The following RSBN1L variants were observed in gnomAD, a reference collection of about 807,000 sequenced individuals.
RSBN1L encodes the protein round spermatid basic protein 1 like, also known as lysine-specific demethylase RSBN1L.
In RSBN1L, 30 loss-of-function variants were observed where a neutral mutation model predicts 67.7. The observed-to-expected ratio is 0.44, with a 90% CI of 0.33 to 0.60. The LOEUF (loss-of-function observed/expected upper bound fraction) is 0.60, where lower values mean the gene tolerates loss of function less well. Among genes scored for constraint, RSBN1L ranks in the 20% least tolerant of loss-of-function variants. The probability of loss-of-function intolerance (pLI) is 0.02; values close to 1 mark genes in which losing one functional copy is unlikely to be tolerated. For synonymous variants in RSBN1L, 433 were observed against 387.0 expected (o/e 1.12, Z -1.39); for missense variants, 992 against 1,031.7 (o/e 0.96, Z 0.53).
chr7:77,753,881 A>G (rs1791584967), intron 3 of RSBN1L, among the ~76,000 whole-genome samples: 1 of 152,188 alleles, frequency 6.6e-6, no homozygotes, highest in South Asian at 2.1e-4. Flanking sequence ...AAATATATCC[A>G]AAAGACCCAG....
At chr7:77,729,517 T>C (rs1468077936) in intron 1 of RSBN1L, among the ~76,000 whole-genome samples, 1 of 152,226 alleles carries the variant, frequency 6.6e-6, no homozygotes, top group East Asian at 1.9e-4. Context: ...AGTGCAGTAT[T>C]CATCTTTATT....
At chr7:77,727,857 C>T (rs898849672) in intron 1 of RSBN1L, among the ~76,000 whole-genome samples, 1 of 152,148 alleles carries the variant, frequency 6.6e-6, no homozygotes. Flanking sequence ...AATGACTCTG[C>T]AAATGCTGTT....
At chr7:77,746,942 G>GC (rs1475147019) in intron 2 of RSBN1L, among the ~76,000 whole-genome samples, 9 of 152,214 alleles carry the variant, frequency 5.9e-5, no homozygotes, top group African/African-American at 2.2e-4. Context: ...GCCTTGGGTA[G>GC]CCCCACCCCT....
rs1019848218 is a variant in RSBN1L at position 77,723,952 on chromosome 7, T to C, written c.587-12458T>C. ...TCTGTCTCAAAAAAAAAATTTTTTTTTTTTTAATAGGGACAGGATCTCTCT... is the reference window on the plus strand; with the variant it reads ...TCTGTCTCAAAAAAAAAATTTTTTTCTTTTTAATAGGGACAGGATCTCTCT... On this transcript the variant is annotated intron_variant, in intron 1 of 7. Coordinates refer to ENST00000334955, the MANE Select transcript of RSBN1L (RefSeq NM_198467.3). Among the ~76,000 whole-genome samples, 8 of 152,044 alleles carry C rather than the reference T, an allele frequency of 5.3e-5. No individual in the cohort carries two copies. The South Asian group carries it at 6.2e-4, about 12-fold the overall frequency.
chr7:77,720,763 C>CTTTTTTTTTTTTTTTTTTTTT (rs34070122), intron 1 of RSBN1L, among the ~76,000 whole-genome samples: 1 of 104,368 alleles, frequency 9.6e-6, no homozygotes, highest in Non-Finnish European at 1.9e-5. Flanking sequence ...TTTTCTTTTT[C>CTTTTTTTTTTTTTTTTTTTTT]TTTTTTTTTT....
At chr7:77,717,868 A>T (rs1213901262) in intron 1 of RSBN1L, among the ~76,000 whole-genome samples, 2 of 152,092 alleles carry the variant, frequency 1.3e-5, no homozygotes, top group Admixed American at 6.5e-5. Flanking sequence ...AAAATATATA[A>T]ATTAGCTGGG....
chr7:77,715,406 G>A (rs184997892), intron 1 of RSBN1L, among the ~76,000 whole-genome samples: 3 of 151,264 alleles, frequency 2.0e-5, no homozygotes, highest in African/African-American at 7.3e-5. Flanking sequence ...TCTCGGCTAG[G>A]TGATTCTTGT....
chr7:77,709,996 G>A (rs1584275560), intron 1 of RSBN1L, among the ~76,000 whole-genome samples: 2 of 152,136 alleles, frequency 1.3e-5, no homozygotes, highest in Admixed American at 6.6e-5. Context: ...CTCCGTCTTG[G>A]AAACTGGATT....
chr7:77,776,820 T>TAG lies in RSBN1L; in HGVS notation c.1794-1517_1794-1516insGA, dbSNP rs1791920721. On this transcript the variant is annotated intron_variant, in intron 6 of 7. Coordinates refer to ENST00000334955, the MANE Select transcript of RSBN1L (RefSeq NM_198467.3). The stretch of plus-strand genomic sequence containing the variant: ...TATATTATTGTTACATGTAGATAGA[T>TAG]ATCATATAGTTGGGTCTTACCTTTT... Among the ~76,000 whole-genome samples the TAG allele has an allele frequency of 3.3e-5, 5 of 152,254 alleles. No homozygotes were observed. In the Middle Eastern group the frequency reaches 0.01, roughly 311 times the overall value.
intron 1 of RSBN1L, among the ~76,000 whole-genome samples, chr7:77,724,110 T>TC (rs999759187): frequency 8.5e-5 from 13 of 152,106 alleles, no homozygotes; most frequent in African/African-American, 2.9e-4. Context: ...CTCCTTTTTT[T>TC]CTCCTCTTGA....
At chr7:77,770,023 G>A (rs1336077384) in intron 5 of RSBN1L, among the ~76,000 whole-genome samples, 1 of 152,120 alleles carries the variant, frequency 6.6e-6, no homozygotes, top group African/African-American at 2.4e-5. Context: ...TTTTAAAATG[G>A]TCTGAATGCC....
chr7:77,720,414 G>C (rs1183180722), intron 1 of RSBN1L, among the ~76,000 whole-genome samples: 1 of 152,124 alleles, frequency 6.6e-6, no homozygotes, highest in East Asian at 1.9e-4. Flanking sequence ...TACAAAATTA[G>C]CTGGGCGTGG....
At chr7:77,723,572 G>A (rs1791151523) in intron 1 of RSBN1L, among the ~76,000 whole-genome samples, 1 of 152,036 alleles carries the variant, frequency 6.6e-6, no homozygotes, top group African/African-American at 2.4e-5. Context: ...GGGTTTAAGC[G>A]ATCCTCCCAC....
intron 1 of RSBN1L, among the ~76,000 whole-genome samples, chr7:77,714,344 A>G (rs1791015598): frequency 6.6e-6 from 1 of 152,168 alleles, no homozygotes. Flanking sequence ...ATCACCGCAG[A>G]AAGTTCTCTC....
chr7:77,744,563 C>G (rs1225718000), intron 2 of RSBN1L, among the ~76,000 whole-genome samples: 1 of 151,644 alleles, frequency 6.6e-6, no homozygotes, highest in East Asian at 1.9e-4. Flanking sequence ...ATTACAGGTG[C>G]CTGCCACCAC....
At position 77,778,862 on chromosome 7, in the gene RSBN1L, T is replaced by C; in HGVS notation, c.2235T>C (p.Ser745=). The C allele has an allele frequency of 6.2e-7, 1 of 1,614,026 alleles. No homozygotes were observed. Residue 745 remains serine, a synonymous_variant, in exon 8 of 8, where the codon TCT becomes TCC. Transcript: ENST00000334955. ...CTGTTTTTTCAGATAAACTTCATTC[T>C]AAATATGAATTACAGCAGATTAAAC... ...LDSVFSDKLH[S]KYELQQIKHE... is the part of the protein sequence containing the mutation.
intron 4 of RSBN1L, 68 bp from the exon 5 acceptor site, chr7:77,768,593 T>C: frequency 1.6e-6 from 2 of 1,261,590 alleles, no homozygotes; most frequent in Non-Finnish European, 2.1e-6. Context: ...GGAACAATAT[T>C]ATTATTAACA....
intron 2 of RSBN1L, among the ~76,000 whole-genome samples, chr7:77,739,819 G>A (rs570154360): frequency 5.9e-5 from 7 of 118,680 alleles, no homozygotes; most frequent in Non-Finnish European, 9.7e-5. Flanking sequence ...GCGCGATCTC[G>A]GCTCACTGCA....
intron 2 of RSBN1L, among the ~76,000 whole-genome samples, chr7:77,740,989 T>TC (rs1473405118): frequency 2.8e-4 from 41 of 148,320 alleles, no homozygotes; most frequent in East Asian, 9.8e-4. Flanking sequence ...TCTTTTCTTT[T>TC]TTTTTTTTTT....
Sources: gnomAD v4.1 joint callset for allele counts (sites outside exome capture counted in the v4.1 genomes callset) on GRCh38, gnomAD v4.1.1 for gene constraint, MANE v1.5 for transcripts, NCBI Gene and HGNC (gene_info 2026-07-23, HGNC 2026-07-21) for gene names.